INTU: variants seen among roughly 807,000 people sequenced by gnomAD.
INTU encodes the protein protein inturned.
INTU carries 68 observed loss-of-function variants against 100.5 expected under a neutral mutation model. The ratio of observed to expected loss-of-function variants is 0.68; its 90% confidence interval spans 0.56 to 0.83. INTU has a LOEUF of 0.83. Ranked by LOEUF, INTU falls within the 40% of genes least tolerant of loss-of-function variation. The pLI is 0.00. For missense variants in INTU, 1,071 were observed against 1,114.7 expected (o/e 0.96, Z 0.56); for synonymous variants, 357 against 395.7 (o/e 0.90, Z 1.16).
chr4:127,663,230 C>T (rs192407858), intron 3 of INTU, 151 bp from the exon 4 acceptor site: 10 of 592,752 alleles, frequency 1.7e-5, no homozygotes, highest in South Asian at 4.4e-5. Flanking sequence ...AAATAGAATA[C>T]GTAGTCCCAG....
chr4:127,681,530 T>C (rs1387486822), intron 6 of INTU, among the ~76,000 whole-genome samples: 1 of 152,204 alleles, frequency 6.6e-6, no homozygotes, highest in East Asian at 1.9e-4. Flanking sequence ...TAAATGGTGC[T>C]GGGAAAACTG....
chr4:127,658,597 T>A (rs924629672), intron 3 of INTU, among the ~76,000 whole-genome samples: 1 of 152,212 alleles, frequency 6.6e-6, no homozygotes, highest in Non-Finnish European at 1.5e-5. Flanking sequence ...CCTATGTTGG[T>A]TGCAGGTGTG....
In INTU at chr4:127,690,322, C is replaced by T. The variant is rs566446520; in HGVS notation, c.1449+2455C>T. Among the ~76,000 whole-genome samples the T allele has an allele frequency of 2.6e-5, 4 of 152,270 alleles. No homozygotes were observed. The South Asian group carries it at 8.3e-4, about 32-fold the overall frequency. ...TGAATTCTGGTATACATTTTTAATTCATTGCCTTAAACCATAGCTGTTGCT... is the reference window on the plus strand; with the variant it reads ...TGAATTCTGGTATACATTTTTAATTTATTGCCTTAAACCATAGCTGTTGCT... On this transcript the variant is annotated intron_variant, in intron 8 of 15. Coordinates refer to ENST00000335251, the MANE Select transcript of INTU (RefSeq NM_015693.4).
At chr4:127,690,294 G>C (rs1467168208) in intron 8 of INTU, among the ~76,000 whole-genome samples, 1 of 152,094 alleles carries the variant, frequency 6.6e-6, no homozygotes, top group Non-Finnish European at 1.5e-5. Flanking sequence ...AGAAATCACT[G>C]TGTGAATTCT....
intron 4 of INTU, among the ~76,000 whole-genome samples, chr4:127,667,498 G>GA (rs1296233892): frequency 2.0e-5 from 3 of 151,994 alleles, no homozygotes; most frequent in Non-Finnish European, 2.9e-5. Flanking sequence ...TGTTTTCTGT[G>GA]AGTTACATAT....
intron 1 of INTU, among the ~76,000 whole-genome samples, chr4:127,640,538 G>GATATATATAT (rs1560825535): frequency 4.3e-5 from 3 of 70,372 alleles, no homozygotes; most frequent in African/African-American, 2.0e-4. Context: ...TTTGGGTAAA[G>GATATATATAT]ATACATATAT....
chr4:127,649,074 G>A (rs938370230), intron 2 of INTU, among the ~76,000 whole-genome samples: 5 of 151,940 alleles, frequency 3.3e-5, no homozygotes, highest in African/African-American at 1.2e-4. Flanking sequence ...AGAGTATCAA[G>A]GAGAGGAAGG....
intron 14 of INTU, among the ~76,000 whole-genome samples, chr4:127,711,690 G>A (rs1412049358): frequency 6.6e-6 from 1 of 152,128 alleles, no homozygotes; most frequent in Non-Finnish European, 1.5e-5. Context: ...TGCATGTGAG[G>A]GATCTAGGCT....
intron 6 of INTU, 87 bp from the exon 7 acceptor site, chr4:127,684,322 G>A (rs2126227819): frequency 1.4e-6 from 1 of 739,428 alleles, no homozygotes; most frequent in African/African-American, 1.8e-5. Flanking sequence ...CATTCCGTAT[G>A]TGTAAAATTC....
chr4:127,693,062 T>C (rs1030987252), intron 8 of INTU, among the ~76,000 whole-genome samples: 1 of 152,162 alleles, frequency 6.6e-6, no homozygotes, highest in Middle Eastern at 3.2e-3. Flanking sequence ...CTATGAGGGC[T>C]CTTTTTTGGT....
intron 6 of INTU, among the ~76,000 whole-genome samples, chr4:127,676,585 C>CAAAA (rs759247806): frequency 2.6e-5 from 2 of 76,778 alleles, no homozygotes; most frequent in African/African-American, 5.1e-5. Flanking sequence ...GACAATGTCT[C>CAAAA]AAAAAAAAAA....
chr4:127,644,541 T>A (rs945228770), intron 2 of INTU, among the ~76,000 whole-genome samples: 7 of 152,220 alleles, frequency 4.6e-5, no homozygotes, highest in Non-Finnish European at 1.0e-4. Context: ...AGTGGTGTTA[T>A]ATATAAATTT....
chr4:127,704,701 A>G (rs565693499), intron 10 of INTU, among the ~76,000 whole-genome samples: 47 of 152,242 alleles, frequency 3.1e-4, no homozygotes, highest in Non-Finnish European at 5.9e-4. Context: ...ACAAATGTGC[A>G]CAGGAGAAGC....
At chr4:127,674,276 A>T in intron 6 of INTU, 63 bp downstream of exon 6, 1 of 1,276,232 alleles carries the variant, frequency 7.8e-7, no homozygotes. Flanking sequence ...TGTTTTGTTA[A>T]AATTATTACA....
intron 14 of INTU, among the ~76,000 whole-genome samples, chr4:127,712,137 G>C (rs1268443750): frequency 6.6e-6 from 1 of 152,156 alleles, no homozygotes; most frequent in East Asian, 1.9e-4. Context: ...GGGTTTAAAA[G>C]TGGAAGAACA....
chr4:127,682,046 A>T (rs1560859541), intron 6 of INTU, among the ~76,000 whole-genome samples: 1 of 151,748 alleles, frequency 6.6e-6, no homozygotes, highest in East Asian at 1.9e-4. Flanking sequence ...AATCAAAACC[A>T]CAATGAGATA....
intron 1 of INTU, among the ~76,000 whole-genome samples, chr4:127,637,023 A>G (rs1226427069): frequency 6.6e-6 from 1 of 152,162 alleles, no homozygotes; most frequent in East Asian, 1.9e-4. Flanking sequence ...TTTCTCCTCT[A>G]AGGCTACCCA....
At chr4:127,697,343 A>C (rs1430414511) in intron 8 of INTU, among the ~76,000 whole-genome samples, 2 of 152,054 alleles carry the variant, frequency 1.3e-5, no homozygotes, top group African/African-American at 4.8e-5. Flanking sequence ...TCCCCAGGCA[A>C]TCATTTGCAT....
intron 4 of INTU, 56 bp downstream of exon 4, chr4:127,663,640 A>G: frequency 7.1e-7 from 1 of 1,399,832 alleles, no homozygotes; most frequent in Non-Finnish European, 1.0e-6. Context: ...CCAAAGGAAA[A>G]AGTAAGGACC....
Sources: gnomAD v4.1 joint callset for allele counts (sites outside exome capture counted in the v4.1 genomes callset) on GRCh38, gnomAD v4.1.1 for gene constraint, MANE v1.5 for transcripts, NCBI Gene and HGNC (gene_info 2026-07-23, HGNC 2026-07-21) for gene names.